Variants in CFAP299 observed in about 807,000 individuals in gnomAD.
CFAP299 encodes cilia- and flagella-associated protein 299.
A neutral mutation model predicts 27.0 loss-of-function variants in CFAP299; 21 were observed. The ratio of observed to expected loss-of-function variants is 0.78; its 90% CI spans 0.55 to 1.12. CFAP299 has a LOEUF of 1.12. CFAP299 is among the 50% of genes most tolerant of loss of function. The pLI is 0.00. For missense variants in CFAP299, 310 were observed against 276.6 expected (o/e 1.12, Z -0.86); for synonymous variants, 104 against 98.1 (o/e 1.06, Z -0.36).
At chr4:80,953,820 G>T (rs1193975026) in intron 5 of CFAP299, among the ~76,000 whole-genome samples, 1 of 152,006 alleles carries the variant, frequency 6.6e-6, no homozygotes, top group Non-Finnish European at 1.5e-5. Context: ...TAAATGATAA[G>T]CCTCCATCAT....
At chr4:80,348,308 A>G (rs1722845388) in intron 1 of CFAP299, among the ~76,000 whole-genome samples, 1 of 152,214 alleles carries the variant, frequency 6.6e-6, no homozygotes, top group Admixed American at 6.5e-5. Context: ...GGATCTCATT[A>G]AAGAGCTTTT....
chr4:80,453,624 T>C (rs1401398292), intron 2 of CFAP299, among the ~76,000 whole-genome samples: 7 of 152,054 alleles, frequency 4.6e-5, no homozygotes, highest in Admixed American at 2.0e-4. Context: ...GTGGATCATT[T>C]GAGGTCAGGA....
At chr4:80,508,041 A>C (rs1291952403) in intron 2 of CFAP299, among the ~76,000 whole-genome samples, 2 of 152,202 alleles carry the variant, frequency 1.3e-5, no homozygotes, top group Non-Finnish European at 2.9e-5. Context: ...AAGGTATGTC[A>C]TGTCTACTGT....
chr4:80,620,856 G>A (rs928455112), intron 3 of CFAP299, among the ~76,000 whole-genome samples: 38 of 152,094 alleles, frequency 2.5e-4, no homozygotes, highest in Non-Finnish European at 4.0e-4. Flanking sequence ...TGTATACAAT[G>A]AGAGAAATAA....
the CFAP299 span, among the ~76,000 whole-genome samples, chr4:80,327,712 A>ATATATATG: frequency 1.5e-5 from 2 of 137,270 alleles, no homozygotes; most frequent in African/African-American, 6.0e-5. Flanking sequence ...ATATATATAT[A>ATATATATG]TATATATATA....
intron 3 of CFAP299, among the ~76,000 whole-genome samples, chr4:80,809,694 C>G (rs984738001): frequency 3.3e-5 from 5 of 152,102 alleles, no homozygotes; most frequent in Admixed American, 2.6e-4. Flanking sequence ...CATGATGTTA[C>G]ACATCTTCTC....
At chr4:80,681,484 CA>C (rs975024293) in intron 3 of CFAP299, among the ~76,000 whole-genome samples, 8 of 151,924 alleles carry the variant, frequency 5.3e-5, no homozygotes, top group Non-Finnish European at 7.4e-5. Flanking sequence ...TGTAGAACTG[CA>C]AAGTTTGGGA....
chr4:80,871,706 T>C, intron 4 of CFAP299: 3 of 884,576 alleles, frequency 3.4e-6, no homozygotes, highest in Non-Finnish European at 4.1e-6. Context: ...TTAAAGCAAA[T>C]TTAAGATATC....
At chr4:80,446,349 A>T (rs969515177) in intron 2 of CFAP299, among the ~76,000 whole-genome samples, 6 of 152,214 alleles carry the variant, frequency 3.9e-5, no homozygotes, top group Non-Finnish European at 8.8e-5. Context: ...TGTACAAGAC[A>T]ATGCTCTTCA....
chr4:80,635,399 C>T (rs1019179600), intron 3 of CFAP299, among the ~76,000 whole-genome samples: 7 of 152,148 alleles, frequency 4.6e-5, no homozygotes, highest in Admixed American at 4.6e-4. Context: ...TTTGCCTTCT[C>T]TCTTCCTTCT....
chr4:80,756,324 C>T (rs1306502692), intron 3 of CFAP299, among the ~76,000 whole-genome samples: 1 of 151,908 alleles, frequency 6.6e-6, no homozygotes, highest in Non-Finnish European at 1.5e-5. Flanking sequence ...TTTTCTTTCC[C>T]TAAGCATGAA....
chr4:80,389,023 G>T (rs962245546), intron 2 of CFAP299, among the ~76,000 whole-genome samples: 15 of 152,132 alleles, frequency 9.9e-5, no homozygotes, highest in Non-Finnish European at 1.5e-4. Context: ...AACATGGAAA[G>T]TTCCCTTTTA....
chr4:80,937,372 A>C (rs1398445360), intron 4 of CFAP299, among the ~76,000 whole-genome samples: 1 of 118,310 alleles, frequency 8.5e-6, no homozygotes, highest in Non-Finnish European at 1.6e-5. Context: ...GCTGGAGTAC[A>C]GTTGTGTGAT....
intron 4 of CFAP299, among the ~76,000 whole-genome samples, chr4:80,911,814 T>G (rs1369049477): frequency 1.3e-5 from 2 of 152,138 alleles, no homozygotes; most frequent in African/African-American, 2.4e-5. Flanking sequence ...AAGGCACTTG[T>G]TTTACATTCA....
chr4:80,762,467 A>C (rs188471747), intron 3 of CFAP299, among the ~76,000 whole-genome samples: 2 of 152,282 alleles, frequency 1.3e-5, no homozygotes, highest in Admixed American at 1.3e-4. Flanking sequence ...CCCATTAACT[A>C]TCAATGCACC....
intron 3 of CFAP299, among the ~76,000 whole-genome samples, chr4:80,597,787 G>A (rs891496602): frequency 2.0e-5 from 3 of 151,902 alleles, no homozygotes; most frequent in Non-Finnish European, 2.9e-5. Context: ...TCCAGGTTCA[G>A]GCAATTCTCC....
intron 3 of CFAP299, among the ~76,000 whole-genome samples, chr4:80,758,608 T>G (rs144322801): frequency 2.8e-3 from 419 of 152,292 alleles, no homozygotes; most frequent in African/African-American, 9.2e-3. Context: ...CCTGTTTCTA[T>G]CACTTCCTCA....
intron 2 of CFAP299, chr4:80,386,392 C>G (rs749006116): frequency 2.6e-6 from 4 of 1,531,504 alleles, no homozygotes; most frequent in Non-Finnish European, 2.6e-6. Context: ...GCCTCGGGCA[C>G]CAGACCAGCC....
intron 3 of CFAP299, among the ~76,000 whole-genome samples, chr4:80,753,733 A>T (rs905761879): frequency 6.6e-6 from 1 of 151,974 alleles, no homozygotes; most frequent in African/African-American, 2.4e-5. Flanking sequence ...ATTTTCTTCA[A>T]GTTCACTGAT....
Sources: gnomAD v4.1 joint callset for allele counts (sites outside exome capture counted in the v4.1 genomes callset) on GRCh38, gnomAD v4.1.1 for gene constraint, MANE v1.5 for transcripts, NCBI Gene and HGNC (gene_info 2026-07-23, HGNC 2026-07-21) for gene names.